The following ABCD3 variants were observed in gnomAD, a reference collection of about 807,000 sequenced individuals.
The protein encoded by ABCD3 is ATP-binding cassette sub-family D member 3.
Under a neutral mutation model 105.5 loss-of-function variants are expected in ABCD3, and 41 were observed. The ratio of observed to expected loss-of-function variants is 0.39; its 90% CI spans 0.30 to 0.50. The LOEUF (loss-of-function observed/expected upper bound fraction) is 0.50. Among genes scored for constraint, ABCD3 ranks in the 20% least tolerant of loss-of-function variants. ABCD3 has a pLI of 0.84. For synonymous variants in ABCD3, 258 were observed against 269.0 expected (o/e 0.96, Z 0.40); for missense variants, 622 against 806.3 (o/e 0.77, Z 2.77).
chr1:94,500,067 C>T (rs1377395314), intron 20 of ABCD3, among the ~76,000 whole-genome samples: 2 of 152,122 alleles, frequency 1.3e-5, no homozygotes, highest in African/African-American at 4.8e-5. Flanking sequence ...CCCTTTTCCT[C>T]CACTATTATA....
At chr1:94,507,250 T>C (rs1310844475) in intron 21 of ABCD3, among the ~76,000 whole-genome samples, 2 of 152,162 alleles carry the variant, frequency 1.3e-5, no homozygotes, top group East Asian at 1.9e-4. Flanking sequence ...GTTTAGTTTT[T>C]TGTTCTTGCG....
intron 2 of ABCD3, among the ~76,000 whole-genome samples, chr1:94,462,315 T>A (rs1647916929): frequency 1.3e-5 from 2 of 152,136 alleles, no homozygotes; most frequent in Admixed American, 1.3e-4. Flanking sequence ...TAAAATGAAT[T>A]CTTAGGAAAG....
chr1:94,446,906 T>G (rs116262052), intron 1 of ABCD3, among the ~76,000 whole-genome samples: 2,100 of 152,304 alleles, frequency 0.014, 37 homozygotes, highest in African/African-American at 0.047. Context: ...AAGAGATTTA[T>G]TACAATAATG....
intron 5 of ABCD3, among the ~76,000 whole-genome samples, chr1:94,474,376 G>T (rs1342913509): frequency 6.6e-6 from 1 of 152,016 alleles, no homozygotes; most frequent in Non-Finnish European, 1.5e-5. Flanking sequence ...CAGATAAATT[G>T]TTTAGTCTAA....
chr1:94,517,630 C>T lies in ABCD3; in HGVS notation c.*501C>T, dbSNP rs553788243. The T allele has an allele frequency of 1.8e-4, 30 of 166,176 alleles. No individual in the cohort carries two copies. Among genetic ancestry groups the T allele is most frequent in the Middle Eastern group, 3.1e-3 (1 of 324 alleles). The allele number at this position is 166,176 out of a possible 1,614,324, so 10.3% of individuals were successfully genotyped here. On this transcript the variant is annotated 3_prime_UTR_variant, in exon 23 of 23. Coordinates refer to ENST00000370214, the MANE Select transcript of ABCD3 (RefSeq NM_002858.4). The stretch of plus-strand genomic sequence containing the variant: ...AATGTTTAACATCATTGCATAACAG[C>T]GTTTATTATACAGTGGCAGATTTCT...
At chr1:94,463,682 A>G (rs1246357094) in intron 2 of ABCD3, among the ~76,000 whole-genome samples, 2 of 152,080 alleles carry the variant, frequency 1.3e-5, no homozygotes, top group African/African-American at 4.8e-5. Context: ...AAGTCTCGTC[A>G]CGTGTTTCCT....
At chr1:94,400,672 C>T in the ABCD3 span, among the ~76,000 whole-genome samples, 1 of 152,148 alleles carries the variant, frequency 6.6e-6, no homozygotes, top group Non-Finnish European at 1.5e-5. Flanking sequence ...GATTCACCAG[C>T]ACCTAGAGAA....
At chr1:94,405,593 C>T in the ABCD3 span, among the ~76,000 whole-genome samples, 218 of 152,258 alleles carry the variant, frequency 1.4e-3, no homozygotes, top group Non-Finnish European at 2.4e-3. Flanking sequence ...CATGAGACAC[C>T]GCCATTATCA....
chr1:94,406,586 T>C, the ABCD3 span: 2 of 314,550 alleles, frequency 6.4e-6, no homozygotes, highest in Non-Finnish European at 1.2e-5. Flanking sequence ...TCTTAGAGTA[T>C]GTAATGATGT....
chr1:94,487,851 A>G (rs777565384), intron 12 of ABCD3, 41 bp from the exon 13 acceptor site: 98 of 1,607,714 alleles, frequency 6.1e-5, no homozygotes, highest in Non-Finnish European at 7.6e-5. Context: ...ATTTTTAGTC[A>G]TAGAACTATA....
At chr1:94,469,497 T>G (rs909026036) in intron 4 of ABCD3, among the ~76,000 whole-genome samples, 1 of 150,768 alleles carries the variant, frequency 6.6e-6, no homozygotes, top group Admixed American at 6.6e-5. Flanking sequence ...ATTAGTTTTT[T>G]TTTTTTTTTT....
Position 94,473,793 on chromosome 1 carries a change from T to C in ABCD3, c.363T>C (p.Asp121=), listed in dbSNP as rs1324480338. The part of the protein sequence containing the change: ...ESGIIGRSRK[D]FKRYLLNFIA... Reference sequence around the variant, plus strand: ...GTATCATTGGTCGTAGCAGGAAAGATTTCAAGAGATACTTACTCAACTTCA... The same window carrying C: ...GTATCATTGGTCGTAGCAGGAAAGACTTCAAGAGATACTTACTCAACTTCA... Residue 121 remains aspartate (D), a synonymous_variant, in exon 5 of 23, where the codon GAT becomes GAC. Coordinates refer to ENST00000370214, the MANE Select transcript of ABCD3 (RefSeq NM_002858.4). The C allele has an allele frequency of 6.2e-7, 1 of 1,612,998 alleles. No homozygotes were observed.
rs559123793 is a variant in ABCD3 at position 94,458,783 on chromosome 1, A to G, written c.147+140A>G. 3 of 815,614 alleles carry G rather than the reference A, an allele frequency of 3.7e-6. No homozygotes were observed. The African/African-American group carries it at 5.2e-5, about 14-fold the overall frequency. The allele number at this position is 815,614 out of a possible 1,614,324, so 50.5% of individuals were successfully genotyped here. ...CCAGTCTTCTACACATTACAGGAATACTCTCTGAAATAGGACTCCTGACAG... is the reference window on the plus strand; with the variant it reads ...CCAGTCTTCTACACATTACAGGAATGCTCTCTGAAATAGGACTCCTGACAG... On this transcript the variant is annotated intron_variant, in intron 2 of 22. Transcript: ENST00000370214.
the ABCD3 span, among the ~76,000 whole-genome samples, chr1:94,405,268 A>G: frequency 6.8e-6 from 1 of 147,010 alleles, no homozygotes; most frequent in Non-Finnish European, 1.5e-5. Flanking sequence ...GCATGAGGGT[A>G]TTTATTTTCT....
At chr1:94,479,144 G>A (rs895330441) in intron 8 of ABCD3, among the ~76,000 whole-genome samples, 1 of 151,946 alleles carries the variant, frequency 6.6e-6, no homozygotes, top group Non-Finnish European at 1.5e-5. Flanking sequence ...GCTTTGTTTT[G>A]TTTTTCGAAT....
At chr1:94,395,977 C>G in the ABCD3 span, among the ~76,000 whole-genome samples, 1 of 152,128 alleles carries the variant, frequency 6.6e-6, no homozygotes, top group Non-Finnish European at 1.5e-5. Flanking sequence ...CTTGTTTCCT[C>G]CAATCTTTAA....
chr1:94,458,732 T>C, intron 2 of ABCD3, 89 bp downstream of exon 2: 3 of 1,337,666 alleles, frequency 2.2e-6, no homozygotes, highest in Middle Eastern at 4.3e-4. Context: ...TTAAATTTTA[T>C]AATTAGTAGG....
At chr1:94,439,565 A>G (rs1660059060) in intron 1 of ABCD3, among the ~76,000 whole-genome samples, 1 of 152,164 alleles carries the variant, frequency 6.6e-6, no homozygotes, top group African/African-American at 2.4e-5. Context: ...CGTGGGAGGT[A>G]GAGGTTGCAG....
intron 19 of ABCD3, among the ~76,000 whole-genome samples, 176 bp downstream of exon 19, chr1:94,499,210 A>T (rs1031877843): frequency 6.6e-5 from 10 of 152,338 alleles, no homozygotes; most frequent in Admixed American, 2.0e-4. Context: ...AAAAGAGTTT[A>T]ATCTTAACCT....
Sources: allele counts gnomAD v4.1 joint callset (sites outside exome capture counted in the v4.1 genomes callset), GRCh38; gene constraint gnomAD v4.1.1; transcripts MANE v1.5; gene names NCBI Gene and HGNC (gene_info 2026-07-23, HGNC 2026-07-21).